FRK: variants seen among roughly 807,000 people sequenced by gnomAD.
The protein encoded by FRK is tyrosine-protein kinase FRK.
In FRK, 51 loss-of-function variants were observed where a neutral mutation model predicts 56.4. That is an observed-to-expected ratio of 0.90 (90% CI 0.72 to 1.14). The LOEUF is 1.14. Ranked by LOEUF, FRK falls within the 50% of genes most tolerant of loss-of-function variation. FRK has a pLI of 0.00. For synonymous variants in FRK, 245 were observed against 217.9 expected (o/e 1.12, Z -1.10); for missense variants, 570 against 601.4 (o/e 0.95, Z 0.55).
chr6:116,098,125 TTTA>T, the FRK span, among the ~76,000 whole-genome samples: 6,806 of 133,282 alleles, frequency 0.051, 701 homozygotes, highest in African/African-American at 0.1. Context: ...TTTTTTTTTT[TTTA>T]AAAGACAGGG....
chr6:116,054,742 C>G (rs1349125896), intron 1 of FRK, among the ~76,000 whole-genome samples: 1 of 151,358 alleles, frequency 6.6e-6, no homozygotes, highest in Non-Finnish European at 1.5e-5. Flanking sequence ...ACAACTTACA[C>G]AAAGGGAACA....
intron 1 of FRK, among the ~76,000 whole-genome samples, chr6:116,039,978 G>T (rs73772209): frequency 0.049 from 7,160 of 146,162 alleles, 300 homozygotes; most frequent in African/African-American, 0.12. Flanking sequence ...GAAAATCAAA[G>T]AAATTTTATA....
rs1220669465 is a variant in FRK, at chr6:115,931,188, CAACTT to C, written c.*11221_*11225del. On this transcript the variant is annotated 3_prime_UTR_variant, in exon 8 of 8. Coordinates refer to ENST00000606080, the MANE Select transcript of FRK (RefSeq NM_002031.3). ...TGAATTTATATTTTAGATCCACAATCAACTTGACTTCTGAAACAGTTGACTTTTAA... is the reference window on the plus strand; with the variant it reads ...TGAATTTATATTTTAGATCCACAATCGACTTCTGAAACAGTTGACTTTTAA... 109 of 152,306 alleles carry C rather than the reference CAACTT, an allele frequency of 7.2e-4. No homozygotes were observed. Among genetic ancestry groups the C allele is most frequent in the African/African-American group, 2.6e-3 (106 of 41,562 alleles). 9.4% of individuals were successfully genotyped at this position (152,306 alleles called of 1,614,324 possible). A position where few individuals can be genotyped will look rare whatever the true frequency, so the allele number is the denominator to read the frequency against.
chr6:115,989,968 ATAG>A (rs1466761317), intron 2 of FRK, among the ~76,000 whole-genome samples: 17 of 152,042 alleles, frequency 1.1e-4, no homozygotes, highest in Non-Finnish European at 2.5e-4. Context: ...TGATGTTTTA[ATAG>A]TAGCCATTCT....
At chr6:116,002,084 G>A (rs1303261529) in intron 2 of FRK, among the ~76,000 whole-genome samples, 8 of 152,092 alleles carry the variant, frequency 5.3e-5, no homozygotes, top group African/African-American at 7.2e-5. Flanking sequence ...TGCATCTTTC[G>A]AAAGTCTTAT....
At chr6:115,970,036 A>G (rs984248454) in intron 2 of FRK, among the ~76,000 whole-genome samples, 8 of 152,284 alleles carry the variant, frequency 5.3e-5, no homozygotes, top group African/African-American at 7.2e-5. Flanking sequence ...TTATGCTTCA[A>G]TGATTAGTCA....
intron 5 of FRK, among the ~76,000 whole-genome samples, chr6:115,951,750 A>T (rs1772762179): frequency 6.6e-6 from 1 of 152,206 alleles, no homozygotes; most frequent in African/African-American, 2.4e-5. Flanking sequence ...ATACTGGAGG[A>T]AATTGAGTGA....
chr6:116,018,154 G>A (rs752012556), intron 1 of FRK, among the ~76,000 whole-genome samples: 24 of 152,080 alleles, frequency 1.6e-4, no homozygotes, highest in Non-Finnish European at 3.1e-4. Flanking sequence ...CTGTGCCAGG[G>A]ATTTTACAAC....
intron 1 of FRK, among the ~76,000 whole-genome samples, chr6:116,055,097 C>T (rs537480896): frequency 1.1e-3 from 175 of 152,224 alleles, no homozygotes; most frequent in Non-Finnish European, 2.0e-3. Flanking sequence ...TATTTTAAAA[C>T]GGTGATATAG....
At chr6:116,098,686 G>A in the FRK span, among the ~76,000 whole-genome samples, 184 of 152,320 alleles carry the variant, frequency 1.2e-3, 1 homozygote, top group African/African-American at 4.2e-3. Context: ...GACTGAACTT[G>A]TAGTTGATAA....
intron 5 of FRK, among the ~76,000 whole-genome samples, chr6:115,946,182 A>C (rs7758899): frequency 0.17 from 26,283 of 152,128 alleles, 3,080 homozygotes; most frequent in Middle Eastern, 0.3. Flanking sequence ...CATGGTCAAA[A>C]GCTTAGACAC....
At chr6:116,026,443 C>A (rs73770702) in intron 1 of FRK, among the ~76,000 whole-genome samples, 2 of 143,068 alleles carry the variant, frequency 1.4e-5, no homozygotes, top group South Asian at 2.3e-4. Flanking sequence ...AGTTCCTAGA[C>A]GTGACACCAA....
At chr6:116,042,580 A>G (rs1485964998) in intron 1 of FRK, among the ~76,000 whole-genome samples, 1 of 152,220 alleles carries the variant, frequency 6.6e-6, no homozygotes, top group African/African-American at 2.4e-5. Flanking sequence ...GAGCTCCTGA[A>G]GGAAGTACTA....
At chr6:116,088,161 G>T in the FRK span, among the ~76,000 whole-genome samples, 1 of 152,168 alleles carries the variant, frequency 6.6e-6, no homozygotes, top group African/African-American at 2.4e-5. Flanking sequence ...ATTGTTACTG[G>T]CTTACTCTCT....
At chr6:116,066,115 G>A in the FRK span, among the ~76,000 whole-genome samples, 1 of 152,200 alleles carries the variant, frequency 6.6e-6, no homozygotes. Flanking sequence ...GTCTATGAGG[G>A]TGTTGCCAAA....
the FRK span, among the ~76,000 whole-genome samples, chr6:116,083,671 T>C: frequency 2.0e-5 from 3 of 152,174 alleles, no homozygotes; most frequent in Admixed American, 6.6e-5. Flanking sequence ...AAAAATTTGT[T>C]TCTAACAAGT....
At chr6:116,071,713 T>G in the FRK span, among the ~76,000 whole-genome samples, 1 of 152,182 alleles carries the variant, frequency 6.6e-6, no homozygotes, top group Non-Finnish European at 1.5e-5. Context: ...CCTCCTTTGC[T>G]TCACTGATTC....
chr6:116,085,085 G>T, the FRK span, among the ~76,000 whole-genome samples: 1 of 152,182 alleles, frequency 6.6e-6, no homozygotes, highest in East Asian at 1.9e-4. Flanking sequence ...GCGTGGCTGA[G>T]GTTGTGTGGG....
chr6:116,038,332 G>C (rs1776565105), intron 1 of FRK, among the ~76,000 whole-genome samples: 1 of 152,040 alleles, frequency 6.6e-6, no homozygotes, highest in Non-Finnish European at 1.5e-5. Flanking sequence ...TGTCAAGACT[G>C]ATCATTATTA....
Sources: gnomAD v4.1 joint callset for allele counts (sites outside exome capture counted in the v4.1 genomes callset) on GRCh38, gnomAD v4.1.1 for gene constraint, MANE v1.5 for transcripts, NCBI Gene and HGNC (gene_info 2026-07-23, HGNC 2026-07-21) for gene names.